The following MAD1L1 variants were observed in gnomAD, a reference collection of about 807,000 sequenced individuals.
The protein encoded by MAD1L1 is mitotic spindle assembly checkpoint protein MAD1.
In MAD1L1, 95 loss-of-function variants were observed where a neutral mutation model predicts 96.9. That is an observed-to-expected ratio of 0.98 (90% CI 0.83 to 1.16). The LOEUF (loss-of-function observed/expected upper bound fraction) is 1.16. Among genes scored for constraint, MAD1L1 ranks in the 50% most tolerant of loss-of-function variants. The probability of loss-of-function intolerance (pLI) is 0.00; values close to 1 mark genes in which losing one functional copy is unlikely to be tolerated. For synonymous variants in MAD1L1, 473 were observed against 396.6 expected (o/e 1.19, Z -2.29); for missense variants, 1,007 against 954.4 (o/e 1.06, Z -0.73).
At chr7:1,980,411 G>A (rs776371132) in intron 15 of MAD1L1, 42 bp downstream of exon 15, 7 of 1,559,796 alleles carry the variant, frequency 4.5e-6, no homozygotes, top group African/African-American at 2.7e-5. Context: ...CCTCTCTGGG[G>A]GACACACCTG....
At chr7:2,177,665 A>G (rs527772143) in intron 10 of MAD1L1, among the ~76,000 whole-genome samples, 1 of 152,358 alleles carries the variant, frequency 6.6e-6, no homozygotes, top group Admixed American at 6.5e-5. Context: ...TCATGTTTGA[A>G]AATTATATAA....
At chr7:1,901,192 AC>A (rs1787221889) in intron 17 of MAD1L1, among the ~76,000 whole-genome samples, 1 of 151,912 alleles carries the variant, frequency 6.6e-6, no homozygotes, top group Non-Finnish European at 1.5e-5. Context: ...CAGCGTTCTG[AC>A]CCCCCTTTAT....
At chr7:2,153,055 T>A (rs1394635745) in intron 10 of MAD1L1, among the ~76,000 whole-genome samples, 3 of 152,132 alleles carry the variant, frequency 2.0e-5, no homozygotes, top group African/African-American at 7.2e-5. Context: ...GATTACAGGC[T>A]GAAACCTAAG....
chr7:2,042,381 G>A (rs780978028), intron 12 of MAD1L1, among the ~76,000 whole-genome samples: 5 of 152,094 alleles, frequency 3.3e-5, no homozygotes, highest in South Asian at 2.1e-4. Context: ...GCATGCACAC[G>A]GCATTCCTAA....
At chr7:2,197,634 C>A (rs1313137763) in intron 10 of MAD1L1, among the ~76,000 whole-genome samples, 1 of 152,192 alleles carries the variant, frequency 6.6e-6, no homozygotes, top group African/African-American at 2.4e-5. Context: ...CCCTCAGGCT[C>A]AAAGCCACCT....
chr7:2,079,935 A>AC (rs1339900717), intron 11 of MAD1L1: 1 of 365,316 alleles, frequency 2.7e-6, no homozygotes, highest in Admixed American at 3.8e-5. Context: ...GCCTGGAGTG[A>AC]CGCAGAGAGG....
At chr7:2,185,924 G>C (rs1442361991) in intron 10 of MAD1L1, among the ~76,000 whole-genome samples, 1 of 152,226 alleles carries the variant, frequency 6.6e-6, no homozygotes, top group Admixed American at 6.5e-5. Context: ...GGTCCATTAG[G>C]GAGGGTGCCT....
intron 11 of MAD1L1, 88 bp from the exon 12 acceptor site, chr7:2,069,426 AG>A: frequency 7.6e-7 from 1 of 1,318,486 alleles, no homozygotes; most frequent in Non-Finnish European, 1.0e-6. Flanking sequence ...CGAGCCCACC[AG>A]GACATCCTAA....
At chr7:1,990,559 G>GA (rs977063602) in intron 14 of MAD1L1, among the ~76,000 whole-genome samples, 3 of 152,144 alleles carry the variant, frequency 2.0e-5, no homozygotes, top group African/African-American at 4.8e-5. Flanking sequence ...TTTCTCCTCA[G>GA]AAAAAAACAG....
At chr7:1,906,530 C>A (rs771631797) in intron 17 of MAD1L1, among the ~76,000 whole-genome samples, 1 of 152,260 alleles carries the variant, frequency 6.6e-6, no homozygotes, top group East Asian at 1.9e-4. Flanking sequence ...GTCTCTGGCT[C>A]CTGTTCTCCG....
chr7:2,176,444 C>A (rs531588047), intron 10 of MAD1L1, among the ~76,000 whole-genome samples: 14 of 152,310 alleles, frequency 9.2e-5, no homozygotes, highest in Middle Eastern at 3.4e-3. Flanking sequence ...TGCTATTTCA[C>A]GTCGTACCAG....
At chr7:1,860,527 C>T (rs555913372) in intron 18 of MAD1L1, among the ~76,000 whole-genome samples, 2 of 152,268 alleles carry the variant, frequency 1.3e-5, no homozygotes, top group South Asian at 4.1e-4. Context: ...ATGTGACAAC[C>T]TGCAGGGTGG....
At chr7:1,937,389 G>A (rs1220302042) in intron 16 of MAD1L1, among the ~76,000 whole-genome samples, 1 of 152,212 alleles carries the variant, frequency 6.6e-6, no homozygotes, top group South Asian at 2.1e-4. Context: ...CCTGGCATCA[G>A]CGTGGGTGGC....
chr7:2,020,719 A>G (rs1046619785), intron 12 of MAD1L1, among the ~76,000 whole-genome samples: 2 of 151,788 alleles, frequency 1.3e-5, no homozygotes, highest in African/African-American at 2.4e-5. Context: ...ACAAGACAGG[A>G]GAAACTTCAT....
At chr7:1,844,921 C>A (rs967849343) in intron 18 of MAD1L1, among the ~76,000 whole-genome samples, 2 of 152,240 alleles carry the variant, frequency 1.3e-5, no homozygotes, top group Non-Finnish European at 2.9e-5. Context: ...CAGTATGCTG[C>A]TGGTCAGTGA....
At position 1,888,437 on chromosome 7, in the gene MAD1L1, C is replaced by T. The variant is rs376659483; in HGVS notation, c.1998+9763G>A. Among the ~76,000 whole-genome samples the T allele has an allele frequency of 4.5e-3, 511 of 112,672 alleles. 3 individuals are homozygous for T. The highest frequency in any genetic ancestry group is 0.016 in the African/African-American group (490 of 30,726). 73.9% of individuals were successfully genotyped at this position (112,672 alleles called of 152,430 possible). ...GTGCATGTGAGCATGCATGTGGCTGCCTGTACATGTGTGTGCACGCATGTA... is the reference window on the plus strand; with the variant it reads ...GTGCATGTGAGCATGCATGTGGCTGTCTGTACATGTGTGTGCACGCATGTA... On this transcript the variant is annotated intron_variant, in intron 18 of 18. Coordinates refer to ENST00000265854, the MANE Select transcript of MAD1L1 (RefSeq NM_001013836.2).
chr7:2,078,777 C>T (rs947208911), intron 11 of MAD1L1, among the ~76,000 whole-genome samples: 1 of 152,178 alleles, frequency 6.6e-6, no homozygotes, highest in Admixed American at 6.5e-5. Flanking sequence ...TGGCATGCCT[C>T]GCTGAGGACT....
intron 11 of MAD1L1, among the ~76,000 whole-genome samples, chr7:2,100,838 C>T (rs1443860624): frequency 6.6e-6 from 1 of 152,226 alleles, no homozygotes; most frequent in African/African-American, 2.4e-5. Flanking sequence ...CAAGCCCCAG[C>T]GACTGGAGGC....
intron 13 of MAD1L1, among the ~76,000 whole-genome samples, chr7:2,006,305 G>A (rs1398861268): frequency 1.3e-5 from 2 of 152,148 alleles, no homozygotes; most frequent in Admixed American, 6.6e-5. Flanking sequence ...ACATGGGAGC[G>A]GGTGTGGACA....
Sources: allele counts gnomAD v4.1 joint callset (sites outside exome capture counted in the v4.1 genomes callset), GRCh38; gene constraint gnomAD v4.1.1; transcripts MANE v1.5; gene names NCBI Gene and HGNC (gene_info 2026-07-23, HGNC 2026-07-21).